The following FAM177A1 variants were observed in gnomAD, a reference collection of about 807,000 sequenced individuals.
FAM177A1 encodes protein FAM177A1.
Under a neutral mutation model 26.1 loss-of-function variants are expected in FAM177A1, and 22 were observed. The ratio of observed to expected loss-of-function variants is 0.84; its 90% confidence interval spans 0.60 to 1.20. FAM177A1 has a LOEUF of 1.20. Ranked by LOEUF, FAM177A1 falls within the 50% of genes most tolerant of loss-of-function variation. The probability of loss-of-function intolerance (pLI) is 0.00; values close to 1 mark genes in which losing one functional copy is unlikely to be tolerated. For missense variants in FAM177A1, 296 were observed against 291.1 expected, an observed-to-expected ratio of 1.02 and a Z score of -0.12; for synonymous variants, 95 against 99.3, an observed-to-expected ratio of 0.96 and a Z score of 0.26.
intron 2 of FAM177A1, among the ~76,000 whole-genome samples, chr14:35,071,173 T>TG (rs1295380427): frequency 6.7e-6 from 1 of 149,994 alleles, no homozygotes; most frequent in Non-Finnish European, 1.5e-5. Flanking sequence ...ATTTTTTGTA[T>TG]TTTTTTTTAG....
At chr14:35,046,843 C>G in intron 1 of FAM177A1, 1 of 1,357,402 alleles carries the variant, frequency 7.4e-7, no homozygotes, top group South Asian at 1.7e-5. Flanking sequence ...GGCAGCACAG[C>G]AGACTCTGGG....
chr14:35,046,502 C>T lies in FAM177A1; in HGVS notation c.39C>T (p.Thr13=). ...VGLPAITLFL[T]SASSPVVATT... ...TACCGGCCATTACCCTCTTTCTCAC[C>T]AGCGCCAGCAGCCCTGTGGTGGCGA... is the stretch of plus-strand genomic sequence containing the variant. The change falls in exon 1 of 5, where the codon ACC becomes ACT. Residue 13 remains threonine, a synonymous_variant. Transcript: ENST00000280987. 1.2e-6 allele frequency: 2 copies of T among 1,602,040 alleles called. No individual in the cohort carries two copies. The highest frequency in any genetic ancestry group is 2.2e-5 in the South Asian group (2 of 88,992).
intron 1 of FAM177A1, among the ~76,000 whole-genome samples, chr14:35,051,565 A>G (rs1293946615): frequency 1.3e-5 from 2 of 152,076 alleles, no homozygotes; most frequent in African/African-American, 4.8e-5. Flanking sequence ...TACGTGTACC[A>G]CCATGCCTAG....
intron 3 of FAM177A1, 110 bp from the exon 4 acceptor site, chr14:35,078,816 TC>T: frequency 1.5e-6 from 1 of 667,288 alleles, no homozygotes; most frequent in South Asian, 2.9e-5. Context: ...TTTTATAATC[TC>T]CTTGAGAGCA....
At chr14:35,080,348 A>G (rs2045461337) in intron 4 of FAM177A1, among the ~76,000 whole-genome samples, 1 of 152,184 alleles carries the variant, frequency 6.6e-6, no homozygotes, top group African/African-American at 2.4e-5. Context: ...GAACCAACCT[A>G]TTCAACCGAA....
intron 2 of FAM177A1, among the ~76,000 whole-genome samples, chr14:35,065,058 T>C (rs1595048324): frequency 6.8e-6 from 1 of 147,758 alleles, no homozygotes; most frequent in African/African-American, 2.5e-5. Flanking sequence ...TATTAGTCTG[T>C]CACCATATTT....
intron 2 of FAM177A1, among the ~76,000 whole-genome samples, chr14:35,059,336 T>C (rs894536363): frequency 6.6e-6 from 1 of 152,140 alleles, no homozygotes; most frequent in Non-Finnish European, 1.5e-5. Flanking sequence ...TATAGTTGGA[T>C]CTTGTTTTTT....
intron 2 of FAM177A1, among the ~76,000 whole-genome samples, chr14:35,059,645 T>G (rs1231615521): frequency 6.6e-6 from 1 of 151,092 alleles, no homozygotes; most frequent in East Asian, 2.0e-4. Flanking sequence ...GTGATTCTCC[T>G]GCCTCAGCCT....
intron 2 of FAM177A1, among the ~76,000 whole-genome samples, chr14:35,064,073 C>G (rs1176664866): frequency 2.0e-5 from 3 of 148,554 alleles, no homozygotes; most frequent in Non-Finnish European, 4.5e-5. Context: ...AAAAAAATCC[C>G]TTTTGGTACT....
At chr14:35,069,375 TC>T (rs1351607459) in intron 2 of FAM177A1, among the ~76,000 whole-genome samples, 2 of 148,376 alleles carry the variant, frequency 1.3e-5, no homozygotes, top group Non-Finnish European at 3.0e-5. Context: ...AACCTCTGCC[TC>T]CCGGGTTCAA....
chr14:35,050,452 C>T (rs2044947032), intron 1 of FAM177A1: 1 of 151,754 alleles, frequency 6.6e-6, no homozygotes, highest in Admixed American at 6.6e-5. Flanking sequence ...GTTAGTGCTT[C>T]CTTCATTGCC....
chr14:35,055,728 G>A (rs2045052205), intron 2 of FAM177A1, among the ~76,000 whole-genome samples: 1 of 151,868 alleles, frequency 6.6e-6, no homozygotes, highest in South Asian at 2.1e-4. Flanking sequence ...CTAAGTCTAT[G>A]TTTAGATGTC....
chr14:35,047,774 AACAACAAC>A (rs1217228364), intron 1 of FAM177A1, among the ~76,000 whole-genome samples: 96 of 117,002 alleles, frequency 8.2e-4, no homozygotes, highest in African/African-American at 1.3e-3. Context: ...CAACAACAAC[AACAACAAC>A]AAAAAAAAAA....
At chr14:35,068,650 G>A (rs1221402876) in intron 2 of FAM177A1, among the ~76,000 whole-genome samples, 1 of 152,158 alleles carries the variant, frequency 6.6e-6, no homozygotes, top group Admixed American at 6.6e-5. Context: ...GTATTCTCCC[G>A]GGGTTCCCAG....
chr14:35,067,971 G>C (rs2045265045), intron 2 of FAM177A1, among the ~76,000 whole-genome samples: 1 of 152,042 alleles, frequency 6.6e-6, no homozygotes, highest in South Asian at 2.1e-4. Context: ...CCAATCCATG[G>C]GTTGTCACTT....
intron 2 of FAM177A1, among the ~76,000 whole-genome samples, chr14:35,071,064 T>A (rs1263363545): frequency 6.6e-6 from 1 of 151,884 alleles, no homozygotes; most frequent in African/African-American, 2.4e-5. Flanking sequence ...TGGTGCGATC[T>A]CAGCTCACTG....
At chr14:35,059,036 C>T (rs188021635) in intron 2 of FAM177A1, among the ~76,000 whole-genome samples, 10 of 151,782 alleles carry the variant, frequency 6.6e-5, no homozygotes, top group Admixed American at 2.0e-4. Context: ...CCCGGGTTCA[C>T]GCCATTCTCC....
rs954013338 is a variant in FAM177A1, at chr14:35,082,350, C to T, written c.*1122C>T. On this transcript the variant is annotated 3_prime_UTR_variant, in exon 5 of 5. Coordinates refer to ENST00000280987, the MANE Select transcript of FAM177A1 (RefSeq NM_173607.5). ...CCAACGTAGTGAAACCCCGTCTCTACAAAAATACAAAAATTAGCCAGGCGT... is the reference window on the plus strand; with the variant it reads ...CCAACGTAGTGAAACCCCGTCTCTATAAAAATACAAAAATTAGCCAGGCGT... 4 of 151,922 alleles carry T rather than the reference C, an allele frequency of 2.6e-5. No individual in the cohort carries two copies. Among genetic ancestry groups the T allele is most frequent in the Admixed American group, 1.3e-4 (2 of 15,234 alleles). The allele number at this position is 151,922 out of a possible 1,614,324, so 9.4% of individuals were successfully genotyped here.
intron 2 of FAM177A1, among the ~76,000 whole-genome samples, chr14:35,058,100 T>C (rs2045090685): frequency 6.6e-6 from 1 of 151,954 alleles, no homozygotes; most frequent in African/African-American, 2.4e-5. Flanking sequence ...CGAGACAGAG[T>C]TTCACTCTTG....
Sources: gnomAD v4.1 joint callset for allele counts (sites outside exome capture counted in the v4.1 genomes callset) on GRCh38, gnomAD v4.1.1 for gene constraint, MANE v1.5 for transcripts, NCBI Gene and HGNC (gene_info 2026-07-23, HGNC 2026-07-21) for gene names.